DLG2: variants seen among roughly 807,000 people sequenced by gnomAD.
The protein encoded by DLG2 is discs large MAGUK scaffold protein 2, also known as disks large homolog 2.
DLG2 carries 45 observed loss-of-function variants against 132.5 expected under a neutral mutation model. The ratio of observed to expected loss-of-function variants is 0.34; its 90% CI spans 0.27 to 0.44. The LOEUF (loss-of-function observed/expected upper bound fraction) is 0.44, where lower values mean the gene tolerates loss of function less well. DLG2 is among the 20% of genes least tolerant of loss of function. The pLI, the probability that DLG2 is intolerant of heterozygous loss-of-function variation, is 1.00. For missense variants in DLG2, 1,045 were observed against 1,196.9 expected (o/e 0.87, Z 1.87); for synonymous variants, 424 against 419.6 (o/e 1.01, Z -0.13).
intron 3 of DLG2, among the ~76,000 whole-genome samples, chr11:85,506,408 A>G (rs2093934514): frequency 6.6e-6 from 1 of 152,168 alleles, no homozygotes; most frequent in African/African-American, 2.4e-5. Flanking sequence ...ATATTCTGGT[A>G]TGTTGTGTCT....
At chr11:84,292,110 C>T (rs938476303) in intron 7 of DLG2, among the ~76,000 whole-genome samples, 4 of 151,994 alleles carry the variant, frequency 2.6e-5, no homozygotes, top group Middle Eastern at 3.4e-3. Context: ...GAAGTCTAGG[C>T]GAGGTTGGGA....
At chr11:85,425,617 T>C (rs2090655433) in intron 3 of DLG2, among the ~76,000 whole-genome samples, 1 of 152,084 alleles carries the variant, frequency 6.6e-6, no homozygotes. Context: ...TTCTTAAACG[T>C]ACACCAAAAA....
Position 83,931,958 on chromosome 11 carries a change from A to G in DLG2, c.1341-1475T>C, listed in dbSNP as rs117916052. 1.9e-4 allele frequency among the ~76,000 whole-genome samples: 29 copies of G among 152,250 alleles called. 2 individuals carry two copies. The East Asian group carries it at 5.6e-3, about 29-fold the overall frequency. On this transcript the variant is annotated intron_variant, in intron 14 of 27. Transcript: ENST00000376104. The stretch of plus-strand genomic sequence containing the variant: ...CGCAGGTTCATTTTACCTTTGTTTC[A>G]CCTTCTATTTCTTACCTATTTATTT...
chr11:85,143,374 G>C (rs1481186235), intron 5 of DLG2, among the ~76,000 whole-genome samples: 1 of 151,652 alleles, frequency 6.6e-6, no homozygotes, highest in African/African-American at 2.4e-5. Flanking sequence ...GAATTTCTGT[G>C]ATATCAGTTG....
intron 6 of DLG2, among the ~76,000 whole-genome samples, chr11:84,612,258 T>A (rs2073600133): frequency 6.6e-6 from 1 of 152,152 alleles, no homozygotes; most frequent in South Asian, 2.1e-4. Context: ...GTCAATAGTT[T>A]ATTTCTTTCT....
At chr11:83,871,846 AG>A (rs1265548531) in intron 16 of DLG2, among the ~76,000 whole-genome samples, 1 of 152,244 alleles carries the variant, frequency 6.6e-6, no homozygotes, top group Non-Finnish European at 1.5e-5. Context: ...GTTCAAAATA[AG>A]TCTTCAAACT....
chr11:84,467,927 C>T (rs1192959243), intron 7 of DLG2, among the ~76,000 whole-genome samples: 2 of 151,454 alleles, frequency 1.3e-5, no homozygotes, highest in African/African-American at 4.8e-5. Flanking sequence ...ACATATTTGG[C>T]ATACTGCTAA....
intron 6 of DLG2, among the ~76,000 whole-genome samples, chr11:84,727,581 CT>C (rs1414249742): frequency 6.6e-6 from 1 of 152,006 alleles, no homozygotes; most frequent in Non-Finnish European, 1.5e-5. Flanking sequence ...TTTGCAGGCT[CT>C]TTTTTGGTTC....
intron 18 of DLG2, among the ~76,000 whole-genome samples, chr11:83,675,602 A>G (rs2077544928): frequency 6.6e-6 from 1 of 152,206 alleles, no homozygotes; most frequent in Non-Finnish European, 1.5e-5. Flanking sequence ...CACATTGTAA[A>G]GAATCAGAAC....
chr11:85,020,900 C>G, intron 6 of DLG2: 1 of 768,492 alleles, frequency 1.3e-6, no homozygotes, highest in South Asian at 1.3e-5. Flanking sequence ...CATGTGCATC[C>G]CCCTCCTCAG....
chr11:83,688,988 C>A (rs34843650), intron 18 of DLG2, among the ~76,000 whole-genome samples: 2 of 152,128 alleles, frequency 1.3e-5, no homozygotes, highest in Admixed American at 1.3e-4. Context: ...TACATTATTA[C>A]GTTGAATGCC....
chr11:85,007,722 A>C (rs986706797), intron 6 of DLG2, among the ~76,000 whole-genome samples: 2 of 151,630 alleles, frequency 1.3e-5, no homozygotes, highest in Non-Finnish European at 2.9e-5. Flanking sequence ...AGAAGAAAAG[A>C]AAGAGTAAGA....
rs141800353 is a variant in DLG2, at chr11:84,291,437, A to C, written c.520-40146T>G. ...ATAATTTACATTATGTATTATAAAC[A>C]ATATGGAGTATATATCCCCTCATTG... On this transcript the variant is annotated intron_variant, in intron 7 of 27. Transcript: ENST00000376104. Among the ~76,000 whole-genome samples the C allele has an allele frequency of 7.9e-5, 12 of 152,322 alleles. No homozygotes were observed. In the East Asian group the frequency reaches 2.3e-3, roughly 29 times the overall value.
At chr11:84,466,579 G>A (rs2099095007) in intron 7 of DLG2, among the ~76,000 whole-genome samples, 1 of 151,294 alleles carries the variant, frequency 6.6e-6, no homozygotes, top group African/African-American at 2.4e-5. Flanking sequence ...AAATTCCACT[G>A]AGATACTCTT....
intron 7 of DLG2, among the ~76,000 whole-genome samples, chr11:84,342,527 T>A (rs2098519988): frequency 6.6e-6 from 1 of 152,180 alleles, no homozygotes; most frequent in African/African-American, 2.4e-5. Context: ...TCTGTTGAAA[T>A]GGCACAATAA....
chr11:83,943,575 T>A (rs1229016065), intron 14 of DLG2, among the ~76,000 whole-genome samples: 1 of 152,256 alleles, frequency 6.6e-6, no homozygotes, highest in Non-Finnish European at 1.5e-5. Flanking sequence ...TTTGTCAATC[T>A]CAAATGTCTT....
chr11:84,620,519 C>G (rs1256392100), intron 6 of DLG2, among the ~76,000 whole-genome samples: 1 of 151,848 alleles, frequency 6.6e-6, no homozygotes, highest in Non-Finnish European at 1.5e-5. Flanking sequence ...ATAAAGAACT[C>G]TTAAAAATCA....
At chr11:83,987,209 A>T (rs1367115184) in intron 11 of DLG2, among the ~76,000 whole-genome samples, 1 of 152,144 alleles carries the variant, frequency 6.6e-6, no homozygotes, top group East Asian at 1.9e-4. Flanking sequence ...ATACAAACAA[A>T]TGGAAGAACA....
chr11:84,628,075 ACT>A (rs1491312626), intron 6 of DLG2, among the ~76,000 whole-genome samples: 7 of 149,862 alleles, frequency 4.7e-5, no homozygotes, highest in African/African-American at 1.7e-4. Context: ...CTGAAAAATG[ACT>A]ATATATATAT....
Sources: allele counts gnomAD v4.1 joint callset (sites outside exome capture counted in the v4.1 genomes callset), GRCh38; gene constraint gnomAD v4.1.1; transcripts MANE v1.5; gene names NCBI Gene and HGNC (gene_info 2026-07-23, HGNC 2026-07-21).